Variants in ASIC2 observed in about 807,000 individuals in gnomAD.
ASIC2 encodes the protein acid sensing ion channel subunit 2.
A neutral mutation model predicts 57.3 loss-of-function variants in ASIC2; 25 were observed. The observed-to-expected ratio is 0.44, with a 90% CI of 0.32 to 0.61. ASIC2 has a LOEUF of 0.61. Ranked by LOEUF, ASIC2 falls within the 20% of genes least tolerant of loss-of-function variation. The pLI, the probability that ASIC2 is intolerant of heterozygous loss-of-function variation, is 0.06. For synonymous variants in ASIC2, 319 were observed against 307.5 expected (o/e 1.04, Z -0.39); for missense variants, 641 against 738.1 (o/e 0.87, Z 1.52).
intron 1 of ASIC2, among the ~76,000 whole-genome samples, chr17:33,219,179 G>A (rs973035565): frequency 7.2e-5 from 11 of 152,194 alleles, no homozygotes; most frequent in African/African-American, 2.4e-4. Context: ...GATGGGAAAT[G>A]TTCCATATTC....
At chr17:33,087,435 T>C (rs1016488788) in intron 3 of ASIC2, among the ~76,000 whole-genome samples, 2 of 152,114 alleles carry the variant, frequency 1.3e-5, no homozygotes, top group Non-Finnish European at 2.9e-5. Context: ...CCATTCCCTA[T>C]GTGCTTCAGT....
intron 1 of ASIC2, among the ~76,000 whole-genome samples, chr17:33,942,360 A>G (rs1171638173): frequency 6.6e-6 from 1 of 152,108 alleles, no homozygotes; most frequent in Non-Finnish European, 1.5e-5. Context: ...ATGTCTTAGA[A>G]CCTGTGGAAG....
At chr17:33,058,470 C>CAAAAAAAAAAAAA (rs10612611) in intron 3 of ASIC2, among the ~76,000 whole-genome samples, 2 of 109,724 alleles carry the variant, frequency 1.8e-5, no homozygotes, top group Admixed American at 9.5e-5. Context: ...TCTGAGAAGT[C>CAAAAAAAAAAAAA]AAAAAAAAAA....
At chr17:34,073,002 T>C (rs1015842580) in intron 1 of ASIC2, among the ~76,000 whole-genome samples, 3 of 152,204 alleles carry the variant, frequency 2.0e-5, no homozygotes, top group African/African-American at 4.8e-5. Context: ...AAAACCATTA[T>C]GCCAGGTAAC....
intron 1 of ASIC2, among the ~76,000 whole-genome samples, chr17:33,967,942 T>C (rs906610893): frequency 2.6e-5 from 4 of 152,156 alleles, no homozygotes; most frequent in African/African-American, 9.7e-5. Context: ...GGGCCTCACA[T>C]TGTCATTCTG....
intron 1 of ASIC2, among the ~76,000 whole-genome samples, chr17:33,498,465 T>G (rs1914005851): frequency 6.6e-6 from 1 of 152,148 alleles, no homozygotes; most frequent in Admixed American, 6.5e-5. Flanking sequence ...CTCATGACTA[T>G]TCAGGAGGCG....
chr17:33,445,143 T>A (rs1344335890), intron 1 of ASIC2, among the ~76,000 whole-genome samples: 2 of 152,056 alleles, frequency 1.3e-5, no homozygotes, highest in Non-Finnish European at 2.9e-5. Context: ...ATACATGCAA[T>A]CAGAAGACAT....
chr17:34,089,279 A>G (rs560107153), intron 1 of ASIC2, among the ~76,000 whole-genome samples: 26 of 152,326 alleles, frequency 1.7e-4, no homozygotes, highest in African/African-American at 6.0e-4. Flanking sequence ...AAGGGTAGAT[A>G]GAAGTTTTGC....
chr17:33,820,248 T>C (rs1912705540), intron 1 of ASIC2, among the ~76,000 whole-genome samples: 1 of 152,238 alleles, frequency 6.6e-6, no homozygotes, highest in South Asian at 2.1e-4. Context: ...ACCTCCCTTT[T>C]CAACTATGAT....
intron 1 of ASIC2, among the ~76,000 whole-genome samples, chr17:34,119,825 G>A (rs1238637576): frequency 6.6e-6 from 1 of 152,204 alleles, no homozygotes; most frequent in Non-Finnish European, 1.5e-5. Flanking sequence ...GATGGGATTT[G>A]TGGACAGTTT....
At chr17:33,397,009 C>CA (rs1567847788) in intron 1 of ASIC2, among the ~76,000 whole-genome samples, 1 of 152,212 alleles carries the variant, frequency 6.6e-6, no homozygotes, top group Non-Finnish European at 1.5e-5. Flanking sequence ...CGGCCCAGCA[C>CA]AAATGTCATC....
intron 1 of ASIC2, among the ~76,000 whole-genome samples, chr17:33,970,575 G>T (rs1445720687): frequency 1.3e-5 from 2 of 152,196 alleles, no homozygotes; most frequent in African/African-American, 4.8e-5. Flanking sequence ...TGGCTCCAGC[G>T]GCCTCCACTC....
intron 1 of ASIC2, among the ~76,000 whole-genome samples, chr17:33,371,012 T>G (rs1393029227): frequency 3.3e-5 from 5 of 152,230 alleles, no homozygotes; most frequent in Non-Finnish European, 7.3e-5. Flanking sequence ...GTATAATGCT[T>G]CTTTATATAC....
At chr17:33,966,570 T>A (rs1233048406) in intron 1 of ASIC2, among the ~76,000 whole-genome samples, 1 of 152,220 alleles carries the variant, frequency 6.6e-6, no homozygotes, top group African/African-American at 2.4e-5. Flanking sequence ...AGAAGAGGAT[T>A]ACACTGTGTT....
At chr17:33,552,172 G>A (rs192090331) in intron 1 of ASIC2, among the ~76,000 whole-genome samples, 9 of 152,272 alleles carry the variant, frequency 5.9e-5, no homozygotes, top group Admixed American at 5.9e-4. Flanking sequence ...AAAGGGAAAG[G>A]GCCTCTGTTG....
At chr17:33,100,456 T>G (rs1387591764) in intron 2 of ASIC2, 1 of 152,320 alleles carries the variant, frequency 6.6e-6, no homozygotes, top group Non-Finnish European at 1.5e-5. Flanking sequence ...AAAGGTCAAC[T>G]TCTCTCTAAA....
rs2091932257 is a variant in ASIC2 at position 33,042,100 on chromosome 17, G to A, written c.988-13708C>T. On this transcript the variant is annotated intron_variant, in intron 3 of 9. Coordinates refer to ENST00000225823, the MANE Select transcript of ASIC2 (RefSeq NM_183377.2). ...CCTGCTGCATGATTTAAGTGTGTTT[G>A]TATATGATTATTATTGTGCTCCTTT... Among the ~76,000 whole-genome samples the A allele has an allele frequency of 2.6e-5, 4 of 152,166 alleles. No homozygotes were observed. In the South Asian group the frequency reaches 8.3e-4, roughly 31 times the overall value.
chr17:33,463,612 G>A (rs562970589), intron 1 of ASIC2, among the ~76,000 whole-genome samples: 2 of 152,318 alleles, frequency 1.3e-5, no homozygotes, highest in East Asian at 3.9e-4. Flanking sequence ...CTGCCTGCGT[G>A]AGCCCCAGCC....
intron 3 of ASIC2, among the ~76,000 whole-genome samples, chr17:33,038,693 C>A (rs1207883360): frequency 6.6e-6 from 1 of 152,222 alleles, no homozygotes; most frequent in Non-Finnish European, 1.5e-5. Context: ...TGGTGCATGT[C>A]TTTCATTGCT....
Sources: allele counts gnomAD v4.1 joint callset (sites outside exome capture counted in the v4.1 genomes callset), GRCh38; gene constraint gnomAD v4.1.1; transcripts MANE v1.5; gene names NCBI Gene and HGNC (gene_info 2026-07-23, HGNC 2026-07-21).